CCSER1: variants seen among roughly 807,000 people sequenced by gnomAD.
CCSER1 encodes the protein serine-rich coiled-coil domain-containing protein 1.
A neutral mutation model predicts 82.0 loss-of-function variants in CCSER1; 41 were observed. The observed-to-expected ratio is 0.50, with a 90% confidence interval of 0.39 to 0.65. The LOEUF is 0.65. Among genes scored for constraint, CCSER1 ranks in the 30% least tolerant of loss-of-function variants. The pLI is 0.00. For synonymous variants in CCSER1, 414 were observed against 383.9 expected (o/e 1.08, Z -0.92); for missense variants, 1,119 against 1,064.2 (o/e 1.05, Z -0.72).
At chr4:91,597,878 G>T (rs1393573666) in intron 10 of CCSER1, among the ~76,000 whole-genome samples, 1 of 152,076 alleles carries the variant, frequency 6.6e-6, no homozygotes, top group Non-Finnish European at 1.5e-5. Flanking sequence ...TGTAATCTTT[G>T]CTTCTTCACA....
In CCSER1 at chr4:91,496,391, C is replaced by G. The variant is rs757252776; in HGVS notation, c.2218-102181C>G. ...ATAAAATGCTATATTATAACAGTTACTAAACATATGCTTCTTTTCATTTTG... is the reference window on the plus strand; with the variant it reads ...ATAAAATGCTATATTATAACAGTTAGTAAACATATGCTTCTTTTCATTTTG... On this transcript the variant is annotated intron_variant, in intron 10 of 10. Transcript: ENST00000509176. Among the ~76,000 whole-genome samples, 9 of 150,076 alleles carry G rather than the reference C, an allele frequency of 6.0e-5. 1 individual carries two copies. The highest frequency in any genetic ancestry group is 1.2e-4 in the Non-Finnish European group (8 of 67,234).
At chr4:91,118,953 G>A (rs1190457885) in intron 10 of CCSER1, among the ~76,000 whole-genome samples, 1 of 152,148 alleles carries the variant, frequency 6.6e-6, no homozygotes, top group Non-Finnish European at 1.5e-5. Context: ...AGGAAAATCT[G>A]CTTTGGGATT....
At chr4:90,137,484 A>C (rs970719524) in intron 1 of CCSER1, among the ~76,000 whole-genome samples, 2 of 152,190 alleles carry the variant, frequency 1.3e-5, no homozygotes, top group African/African-American at 4.8e-5. Context: ...AGTGGTAACT[A>C]TCCAGTGAGG....
intron 8 of CCSER1, among the ~76,000 whole-genome samples, chr4:90,873,127 A>G (rs1561284266): frequency 1.3e-5 from 2 of 151,962 alleles, no homozygotes; most frequent in African/African-American, 2.4e-5. Flanking sequence ...TTACATTTCA[A>G]AAGTTCTTTG....
At chr4:90,268,186 T>C (rs1363759942) in intron 1 of CCSER1, among the ~76,000 whole-genome samples, 2 of 152,102 alleles carry the variant, frequency 1.3e-5, no homozygotes, top group African/African-American at 4.8e-5. Flanking sequence ...ATAATGTTAA[T>C]GAGCAATAAG....
intron 7 of CCSER1, among the ~76,000 whole-genome samples, chr4:90,750,954 A>G (rs1369267336): frequency 6.6e-6 from 1 of 152,166 alleles, no homozygotes; most frequent in African/African-American, 2.4e-5. Context: ...AACCCTGTCT[A>G]TTATGAAAAT....
chr4:91,373,144 T>C (rs1350633775), intron 10 of CCSER1, among the ~76,000 whole-genome samples: 1 of 142,586 alleles, frequency 7.0e-6, no homozygotes, highest in Non-Finnish European at 1.5e-5. Flanking sequence ...TAAACATACT[T>C]TTTTTTTTTT....
intron 9 of CCSER1, among the ~76,000 whole-genome samples, chr4:90,930,219 C>G (rs1353222055): frequency 6.6e-6 from 1 of 152,088 alleles, no homozygotes; most frequent in African/African-American, 2.4e-5. Flanking sequence ...TATAGGAAAT[C>G]TAAATTTAAT....
At chr4:90,653,206 G>T (rs1202079846) in intron 6 of CCSER1, among the ~76,000 whole-genome samples, 1 of 151,960 alleles carries the variant, frequency 6.6e-6, no homozygotes, top group Non-Finnish European at 1.5e-5. Context: ...TTATTTGAGA[G>T]ATTATATCCT....
chr4:90,861,922 ATATATTTTTT>A (rs1303724233), intron 8 of CCSER1, among the ~76,000 whole-genome samples: 1 of 102,266 alleles, frequency 9.8e-6, no homozygotes, highest in African/African-American at 3.1e-5. Flanking sequence ...ATATATATAT[ATATATTTTTT>A]TTTTCTGTTA....
At chr4:91,543,011 A>G (rs2110201205) in intron 10 of CCSER1, among the ~76,000 whole-genome samples, 1 of 152,316 alleles carries the variant, frequency 6.6e-6, no homozygotes, top group South Asian at 2.1e-4. Context: ...TATATTTAGC[A>G]TAACTAGCTC....
chr4:90,391,495 C>CAA (rs1751116175), intron 3 of CCSER1, among the ~76,000 whole-genome samples: 1 of 76,118 alleles, frequency 1.3e-5, no homozygotes, highest in East Asian at 4.7e-4. Context: ...TACACACACA[C>CAA]AGTGGGTAAA....
intron 10 of CCSER1, among the ~76,000 whole-genome samples, chr4:91,369,704 C>G (rs1199173453): frequency 9.0e-6 from 1 of 110,802 alleles, no homozygotes; most frequent in African/African-American, 3.5e-5. Flanking sequence ...GTCTCTCACT[C>G]TGTCACCAGG....
intron 6 of CCSER1, among the ~76,000 whole-genome samples, chr4:90,707,424 C>T (rs996910436): frequency 6.6e-6 from 1 of 151,822 alleles, no homozygotes; most frequent in African/African-American, 2.4e-5. Context: ...CCATTAAATT[C>T]CTACAGAATC....
intron 10 of CCSER1, among the ~76,000 whole-genome samples, chr4:91,135,635 G>A (rs1728390556): frequency 6.6e-6 from 1 of 151,962 alleles, no homozygotes; most frequent in Non-Finnish European, 1.5e-5. Context: ...AGAAATATTA[G>A]ATGCACAGAC....
intron 9 of CCSER1, among the ~76,000 whole-genome samples, chr4:91,001,498 T>C (rs1427442933): frequency 2.0e-5 from 3 of 152,124 alleles, no homozygotes; most frequent in African/African-American, 7.2e-5. Flanking sequence ...TCTTTTCCTC[T>C]TCTTCTTTTC....
At chr4:90,420,574 A>AT (rs1756534862) in intron 4 of CCSER1, among the ~76,000 whole-genome samples, 1 of 150,884 alleles carries the variant, frequency 6.6e-6, no homozygotes, top group Non-Finnish European at 1.5e-5. Context: ...CTGCCTATCT[A>AT]TTTTGCCTTT....
chr4:90,187,099 A>C (rs1265986892), intron 1 of CCSER1, among the ~76,000 whole-genome samples: 1 of 151,958 alleles, frequency 6.6e-6, no homozygotes, highest in African/African-American at 2.4e-5. Flanking sequence ...AGGGCTTTTT[A>C]GAATCCTAAC....
intron 10 of CCSER1, among the ~76,000 whole-genome samples, chr4:91,247,163 G>T (rs1334074412): frequency 1.3e-5 from 2 of 152,020 alleles, no homozygotes; most frequent in Non-Finnish European, 2.9e-5. Flanking sequence ...TTAGCCGGGT[G>T]TGGTGGTGGG....
Sources: gnomAD v4.1 joint callset for allele counts (sites outside exome capture counted in the v4.1 genomes callset) on GRCh38, gnomAD v4.1.1 for gene constraint, MANE v1.5 for transcripts, NCBI Gene and HGNC (gene_info 2026-07-23, HGNC 2026-07-21) for gene names.